Variants in MAP3K9 observed in about 807,000 individuals in gnomAD.
MAP3K9 encodes mitogen-activated protein kinase kinase kinase 9.
Under a neutral mutation model 95.8 loss-of-function variants are expected in MAP3K9, and 46 were observed. The observed-to-expected ratio is 0.48, with a 90% CI of 0.38 to 0.61. MAP3K9 has a LOEUF of 0.61. MAP3K9 is among the 20% of genes least tolerant of loss of function. The probability of loss-of-function intolerance (pLI) is 0.00; values close to 1 mark genes in which losing one functional copy is unlikely to be tolerated. For missense variants in MAP3K9, 1,296 were observed against 1,474.3 expected, an observed-to-expected ratio of 0.88 and a Z score of 1.98; for synonymous variants, 533 against 593.8, an observed-to-expected ratio of 0.90 and a Z score of 1.49.
Position 70,809,044 on chromosome 14 carries a change from A to ACCG in MAP3K9, c.125_127dup (p.Ala42dup), listed in dbSNP as rs750078206. ...GTCGCAGCCCAGCTCCCCGGGGCCC[A>ACCG]CCGCCGCCGCCGCCTCCTCCTCCTC... is the stretch of plus-strand genomic sequence containing the variant. On this transcript the variant is annotated inframe_insertion, in exon 1 of 12. Coordinates refer to ENST00000554752, the MANE Select transcript of MAP3K9 (RefSeq NM_001284230.2). 2.3e-4 allele frequency: 328 copies of ACCG among 1,442,454 alleles called. No individual in the cohort carries two copies. In the East Asian group the frequency reaches 4.1e-3, roughly 18 times the overall value. 89.4% of individuals were successfully genotyped at this position (1,442,454 alleles called of 1,614,324 possible). A position where few individuals can be genotyped will look rare whatever the true frequency, so the allele number is the denominator to read the frequency against.
chr14:70,757,125 A>G (rs2054308504), intron 3 of MAP3K9, among the ~76,000 whole-genome samples: 1 of 152,180 alleles, frequency 6.6e-6, no homozygotes, highest in Non-Finnish European at 1.5e-5. Context: ...AAGTTAAAGG[A>G]GGTCTAAATA....
At chr14:70,742,303 G>C in intron 6 of MAP3K9, 48 bp downstream of exon 6, 1 of 1,590,596 alleles carries the variant, frequency 6.3e-7, no homozygotes, top group Non-Finnish European at 8.6e-7. Flanking sequence ...TCTGCCACAC[G>C]AGTTCTTTGC....
intron 7 of MAP3K9, chr14:70,739,767 AT>A (rs1203063789): frequency 2.0e-6 from 2 of 982,014 alleles, no homozygotes; most frequent in East Asian, 5.3e-5. Context: ...CAGTTTCTAA[AT>A]TGCTTTGCAA....
At chr14:70,808,670 C>T (rs1450754872) in intron 1 of MAP3K9, 96 bp downstream of exon 1, 3 of 156,568 alleles carry the variant, frequency 1.9e-5, no homozygotes, top group African/African-American at 2.8e-5. Context: ...CACCCCCCGC[C>T]CTCATCCCAG....
At chr14:70,776,733 T>C (rs1244285114) in intron 2 of MAP3K9, among the ~76,000 whole-genome samples, 1 of 151,790 alleles carries the variant, frequency 6.6e-6, no homozygotes, top group Non-Finnish European at 1.5e-5. Context: ...ATTCTCAACC[T>C]AGAACCTCCA....
intron 5 of MAP3K9, among the ~76,000 whole-genome samples, chr14:70,748,226 G>A (rs897305244): frequency 1.3e-5 from 2 of 152,080 alleles, no homozygotes; most frequent in Admixed American, 6.5e-5. Flanking sequence ...GCATGTGACT[G>A]GCTTCACCTG....
At chr14:70,739,182 C>T (rs1166969846) in intron 7 of MAP3K9, among the ~76,000 whole-genome samples, 4 of 152,184 alleles carry the variant, frequency 2.6e-5, no homozygotes, top group Non-Finnish European at 5.9e-5. Flanking sequence ...CATGCTGGAA[C>T]GCAGTGGCGC....
intron 2 of MAP3K9, among the ~76,000 whole-genome samples, chr14:70,791,457 G>A (rs751987566): frequency 2.0e-5 from 3 of 152,196 alleles, no homozygotes; most frequent in African/African-American, 4.8e-5. Flanking sequence ...TAGAGCAACC[G>A]CTGGGAAATG....
At chr14:70,731,890 AGAAAGAGATGGTGACAG>A (rs762130403) in intron 11 of MAP3K9, among the ~76,000 whole-genome samples, 21 of 152,274 alleles carry the variant, frequency 1.4e-4, no homozygotes, top group South Asian at 2.1e-4. Context: ...TCTTCCAGGG[AGAAAGAGATGGTGACAG>A]GAAAGAGATG....
chr14:70,739,879 G>A (rs1001585401), intron 7 of MAP3K9, 163 bp downstream of exon 7: 1 of 1,577,154 alleles, frequency 6.3e-7, no homozygotes, highest in Non-Finnish European at 8.6e-7. Context: ...ACAAGGGAGA[G>A]GGCTAAGGGT....
intron 1 of MAP3K9, among the ~76,000 whole-genome samples, chr14:70,801,986 A>G (rs2054935575): frequency 6.6e-6 from 1 of 152,222 alleles, no homozygotes; most frequent in Non-Finnish European, 1.5e-5. Flanking sequence ...AGGCCAGGAA[A>G]TGTCTTTAAA....
chr14:70,805,906 G>A (rs917871907), intron 1 of MAP3K9, among the ~76,000 whole-genome samples: 5 of 152,238 alleles, frequency 3.3e-5, no homozygotes, highest in South Asian at 2.1e-4. Context: ...CAGCCTGGGC[G>A]ACAGAGTGAA....
At chr14:70,802,978 C>T (rs61990523) in intron 1 of MAP3K9, among the ~76,000 whole-genome samples, 37,070 of 151,874 alleles carry the variant, frequency 0.24, 4,872 homozygotes, top group South Asian at 0.38. Flanking sequence ...TCATGAGGGC[C>T]GATCCCCCAT....
At chr14:70,745,662 C>T (rs971551487) in intron 5 of MAP3K9, among the ~76,000 whole-genome samples, 6 of 151,554 alleles carry the variant, frequency 4.0e-5, no homozygotes, top group African/African-American at 7.3e-5. Context: ...TGCTTGAACC[C>T]GGGAGGTGGA....
intron 2 of MAP3K9, among the ~76,000 whole-genome samples, chr14:70,791,636 C>T (rs1276254256): frequency 6.6e-6 from 1 of 152,232 alleles, no homozygotes; most frequent in African/African-American, 2.4e-5. Flanking sequence ...CCTTGCCCCA[C>T]CTTCCCTTTC....
intron 2 of MAP3K9, among the ~76,000 whole-genome samples, chr14:70,788,581 C>T (rs970287091): frequency 5.9e-5 from 9 of 152,204 alleles, no homozygotes; most frequent in African/African-American, 2.2e-4. Context: ...TTCACATGGG[C>T]TCATCCCCAA....
Position 70,729,406 on chromosome 14 carries a change from A to G in MAP3K9, c.*974T>C, listed in dbSNP as rs1428382590. The G allele has an allele frequency of 6.6e-6, 1 of 152,278 alleles. No homozygotes were observed. Among genetic ancestry groups the G allele is most frequent in the Non-Finnish European group, 1.5e-5 (1 of 68,082 alleles). 9.4% of individuals were successfully genotyped at this position (152,278 alleles called of 1,614,324 possible). A position where few individuals can be genotyped will look rare whatever the true frequency, so the allele number is the denominator to read the frequency against. ...AAAGCCCACAAACTCCAGGGATTAG[A>G]GTGAAGACCAAAGGAAGGGAGTAAC... On this transcript the variant is annotated 3_prime_UTR_variant, in exon 12 of 12. Coordinates refer to ENST00000554752, the MANE Select transcript of MAP3K9 (RefSeq NM_001284230.2).
At chr14:70,764,764 C>A (rs896514128) in intron 2 of MAP3K9, among the ~76,000 whole-genome samples, 8 of 151,606 alleles carry the variant, frequency 5.3e-5, no homozygotes, top group Non-Finnish European at 1.2e-4. Flanking sequence ...CCTGGGAAGT[C>A]AAAGCTGCAG....
rs575341230 is a variant in MAP3K9 at position 70,809,264 on chromosome 14, C to G, written c.-93G>C. ...GCGCCTCCGCAGAGCTGGGAGGACCCCCCCCCAACGACGGCGGCCGCAGGT... is the reference window on the plus strand; with the variant it reads ...GCGCCTCCGCAGAGCTGGGAGGACCGCCCCCCAACGACGGCGGCCGCAGGT... On this transcript the variant is annotated 5_prime_UTR_variant, in exon 1 of 12. Transcript: ENST00000554752. 19 of 1,239,232 alleles carry G rather than the reference C, an allele frequency of 1.5e-5. No homozygotes were observed. Among genetic ancestry groups the G allele is most frequent in the East Asian group, 6.3e-5 (2 of 31,520 alleles). 76.8% of individuals were successfully genotyped at this position (1,239,232 alleles called of 1,614,324 possible). A position where few individuals can be genotyped will look rare whatever the true frequency, so the allele number is the denominator to read the frequency against.
Sources: allele counts gnomAD v4.1 joint callset (sites outside exome capture counted in the v4.1 genomes callset), GRCh38; gene constraint gnomAD v4.1.1; transcripts MANE v1.5; gene names NCBI Gene and HGNC (gene_info 2026-07-23, HGNC 2026-07-21).